The following PCDH11Y variants were observed in gnomAD, a reference collection of about 807,000 sequenced individuals.
The protein encoded by PCDH11Y is protocadherin 11 Y-linked.
For missense variants in PCDH11Y, 12 were observed against 224.8 expected (o/e 0.05, Z 6.05); for synonymous variants, 9 against 83.6 (o/e 0.11, Z 4.87).
rs2124699964 is a variant in PCDH11Y, at chrY:5,604,209, A to G, written c.3352+22411A>G. Among the ~76,000 whole-genome samples the G allele has an allele frequency of 9.1e-5, 3 of 33,093 alleles. No individual in the cohort carries two copies. In the South Asian group the frequency reaches 2.0e-3, roughly 22 times the overall value. 88.8% of individuals were successfully genotyped at this position (33,093 alleles called of 37,273 possible). The stretch of plus-strand genomic sequence containing the variant: ...GTGGTCTGTTTTGTGATCTATTTTC[A>G]TATGAACTGAAACAGGTCTAACTTT... On this transcript the variant is annotated intron_variant, in intron 4 of 4. Transcript: ENST00000400457.
At chrY:5,447,583 T>C (rs1602927126) in intron 2 of PCDH11Y, among the ~76,000 whole-genome samples, 2 of 32,793 alleles carry the variant, frequency 6.1e-5, no homozygotes, top group East Asian at 1.6e-3. Flanking sequence ...ATAACTAATG[T>C]TTTATCAAGC....
chrY:5,160,601 G>C, intron 2 of PCDH11Y, among the ~76,000 whole-genome samples: 1 of 31,349 alleles, frequency 3.2e-5, no homozygotes. Context: ...TTTTGTGAGT[G>C]AGGAGAGGTT....
At chrY:5,054,610 G>A, upstream of PCDH11Y, among the ~76,000 whole-genome samples, 1 of 27,988 alleles carries the variant, frequency 3.6e-5, no homozygotes, top group African/African-American at 1.4e-4. Flanking sequence ...AGAATAGAGC[G>A]ATAATTTTAA....
At chrY:5,357,918 TG>T (rs2053169624) in intron 2 of PCDH11Y, among the ~76,000 whole-genome samples, 1 of 33,865 alleles carries the variant, frequency 3.0e-5, no homozygotes, top group Non-Finnish European at 7.3e-5. Context: ...TAAGCAACTG[TG>T]GCTTTTTGCT....
At chrY:5,457,740 C>A (rs2053299632) in intron 2 of PCDH11Y, among the ~76,000 whole-genome samples, 1 of 33,239 alleles carries the variant, frequency 3.0e-5, no homozygotes, top group African/African-American at 1.2e-4. Context: ...ACATTAAATA[C>A]AATTTTTAAT....
At chrY:5,305,897 A>G in intron 2 of PCDH11Y, among the ~76,000 whole-genome samples, 8 of 31,642 alleles carry the variant, frequency 2.5e-4, no homozygotes, top group South Asian at 2.2e-3. Flanking sequence ...AATACCTTTC[A>G]GGAAACTTGA....
intron 4 of PCDH11Y, among the ~76,000 whole-genome samples, chrY:5,584,932 T>C: frequency 3.3e-5 from 1 of 29,920 alleles, no homozygotes; most frequent in Non-Finnish European, 8.0e-5. Flanking sequence ...TTCTTTTTTA[T>C]GGCTGCATAG....
chrY:5,600,980 A>G (rs2053472188), intron 4 of PCDH11Y, among the ~76,000 whole-genome samples: 1 of 33,107 alleles, frequency 3.0e-5, no homozygotes, highest in Admixed American at 2.7e-4. Flanking sequence ...TGAATACCCT[A>G]CAATGGTGTG....
At chrY:5,366,344 G>A in intron 2 of PCDH11Y, among the ~76,000 whole-genome samples, 1 of 33,147 alleles carries the variant, frequency 3.0e-5, no homozygotes, top group Non-Finnish European at 7.4e-5. Context: ...AAGTTAAATG[G>A]CAGAAATAGG....
At chrY:5,242,426 A>T (rs1402803744) in intron 2 of PCDH11Y, among the ~76,000 whole-genome samples, 1 of 27,671 alleles carries the variant, frequency 3.6e-5, no homozygotes, top group Non-Finnish European at 8.5e-5. Flanking sequence ...CTTCAGATTT[A>T]AAAAAAAAAA....
At chrY:5,505,812 A>C in intron 3 of PCDH11Y, among the ~76,000 whole-genome samples, 1 of 31,828 alleles carries the variant, frequency 3.1e-5, no homozygotes, top group African/African-American at 1.2e-4. Context: ...ATTGGTATAA[A>C]AAGTGGGAGA....
chrY:5,203,524 G>A, intron 2 of PCDH11Y, among the ~76,000 whole-genome samples: 1 of 31,354 alleles, frequency 3.2e-5, no homozygotes. Context: ...TTCCACAAGG[G>A]CATTTTTGTC....
chrY:5,539,605 CTA>C (rs2053404314), intron 3 of PCDH11Y, among the ~76,000 whole-genome samples: 1 of 32,715 alleles, frequency 3.1e-5, no homozygotes, highest in Non-Finnish European at 7.6e-5. Flanking sequence ...TTGCATCAAA[CTA>C]TGTTTTCATT....
At chrY:5,595,660 AT>A (rs2053466760) in intron 4 of PCDH11Y, among the ~76,000 whole-genome samples, 1 of 33,185 alleles carries the variant, frequency 3.0e-5, no homozygotes, top group African/African-American at 1.2e-4. Flanking sequence ...AGAGGAGATA[AT>A]TTTTTTATGA....
intron 2 of PCDH11Y, among the ~76,000 whole-genome samples, chrY:5,301,784 C>G (rs2053082470): frequency 9.2e-5 from 3 of 32,610 alleles, no homozygotes; most frequent in African/African-American, 2.4e-4. Flanking sequence ...TAAGCCAGCC[C>G]CACAACCACA....
chrY:5,068,282 A>G, intron 1 of PCDH11Y, among the ~76,000 whole-genome samples: 1 of 32,315 alleles, frequency 3.1e-5, no homozygotes, highest in Non-Finnish European at 7.5e-5. Flanking sequence ...AACTGACTGC[A>G]TAACTCTATG....
chrY:5,695,078 C>T (rs1602960966), intron 4 of PCDH11Y, among the ~76,000 whole-genome samples: 4 of 25,547 alleles, frequency 1.6e-4, no homozygotes, highest in African/African-American at 6.0e-4. Context: ...CTGGTGTATA[C>T]ACACACACAC....
intron 2 of PCDH11Y, among the ~76,000 whole-genome samples, chrY:5,243,245 T>C: frequency 2.9e-5 from 1 of 34,327 alleles, no homozygotes; most frequent in Admixed American, 2.6e-4. Context: ...ATTATTATCT[T>C]TCTCATTGAT....
intron 2 of PCDH11Y, among the ~76,000 whole-genome samples, chrY:5,127,773 T>G: frequency 3.0e-5 from 1 of 33,361 alleles, no homozygotes; most frequent in Non-Finnish European, 7.4e-5. Context: ...CATTTTTCTT[T>G]TTGTTGTTTT....
Sources: gnomAD v4.1 joint callset for allele counts (sites outside exome capture counted in the v4.1 genomes callset) on GRCh38, gnomAD v4.1.1 for gene constraint, MANE v1.5 for transcripts, NCBI Gene and HGNC (gene_info 2026-07-23, HGNC 2026-07-21) for gene names.